The following LAMB4 variants were observed in gnomAD, a reference collection of about 807,000 sequenced individuals.
The protein encoded by LAMB4 is laminin subunit beta 4, also known as laminin subunit beta-4.
LAMB4 carries 196 observed loss-of-function variants against 199.2 expected under a neutral mutation model. The ratio of observed to expected loss-of-function variants is 0.98; its 90% CI spans 0.88 to 1.11. The LOEUF (loss-of-function observed/expected upper bound fraction) is 1.11, where lower values mean the gene tolerates loss of function less well. Ranked by LOEUF, LAMB4 falls within the 50% of genes least tolerant of loss-of-function variation. The pLI, the probability that LAMB4 is intolerant of heterozygous loss-of-function variation, is 0.00. For missense variants in LAMB4, 2,080 were observed against 2,171.2 expected (o/e 0.96, Z 0.83); for synonymous variants, 744 against 770.6 (o/e 0.97, Z 0.57).
chr7:108,077,616 C>G (rs965550781), intron 16 of LAMB4, among the ~76,000 whole-genome samples: 4 of 152,116 alleles, frequency 2.6e-5, no homozygotes, highest in African/African-American at 9.7e-5. Context: ...ATCACTTGAA[C>G]CCAGCAGGCA....
chr7:108,033,835 G>A (rs368475114), intron 31 of LAMB4, among the ~76,000 whole-genome samples: 1 of 146,148 alleles, frequency 6.8e-6, no homozygotes, highest in African/African-American at 2.6e-5. Context: ...CATTTCTTTG[G>A]TTTTTGTGAG....
chr7:108,041,244 T>C (rs1444460787), intron 29 of LAMB4, among the ~76,000 whole-genome samples: 1 of 152,028 alleles, frequency 6.6e-6, no homozygotes, highest in Non-Finnish European at 1.5e-5. Flanking sequence ...AGTCAAAAAA[T>C]AACAGGTGCT....
rs767959306 is a variant in LAMB4, at chr7:108,115,466, C to T, written c.192+538G>A. On this transcript the variant is annotated intron_variant, in intron 3 of 33. Transcript: ENST00000388781. The stretch of plus-strand genomic sequence containing the variant: ...GGAAGATCGCTTGAGGCAAGGAGTT[C>T]GAGATCAGCCTGGGCAACATAGTGA... 8.5e-5 allele frequency among the ~76,000 whole-genome samples: 13 copies of T among 152,214 alleles called. No homozygotes were observed. In the East Asian group the frequency reaches 9.7e-4, roughly 11 times the overall value.
intron 15 of LAMB4, 93 bp downstream of exon 15, chr7:108,079,508 G>A: frequency 1.9e-6 from 2 of 1,069,176 alleles, no homozygotes; most frequent in Non-Finnish European, 1.3e-6. Flanking sequence ...ATCCTTTTCT[G>A]ATGAACCTAT....
At chr7:108,086,491 T>G (rs1031464060) in intron 14 of LAMB4, among the ~76,000 whole-genome samples, 6 of 152,162 alleles carry the variant, frequency 3.9e-5, no homozygotes, top group African/African-American at 1.4e-4. Flanking sequence ...AAAATATGAC[T>G]ATTTTGTATT....
Position 108,024,015 on chromosome 7 carries a change from C to T in LAMB4, c.*24G>A, listed in dbSNP as rs1196956985. On this transcript the variant is annotated 3_prime_UTR_variant, in exon 34 of 34. Coordinates refer to ENST00000388781, the MANE Select transcript of LAMB4 (RefSeq NM_007356.3). ...ACATCAGAAACCAGAAACAAAGGCA[C>T]AAGCTTTTGCTCTTTAACTCTGCCT... 2 of 1,578,282 alleles carry T rather than the reference C, an allele frequency of 1.3e-6. No homozygotes were observed. The highest frequency in any genetic ancestry group is 4.5e-5 in the East Asian group (2 of 44,170).
intron 3 of LAMB4, among the ~76,000 whole-genome samples, chr7:108,115,364 A>T (rs1399312980): frequency 2.0e-5 from 3 of 152,176 alleles, no homozygotes; most frequent in African/African-American, 7.2e-5. Context: ...TTTGGGAAAA[A>T]ATAACAACAA....
At chr7:108,031,528 A>G (rs1584588302) in intron 31 of LAMB4, among the ~76,000 whole-genome samples, 1 of 152,008 alleles carries the variant, frequency 6.6e-6, no homozygotes, top group African/African-American at 2.4e-5. Flanking sequence ...GACAACCACT[A>G]TCTTGAATCT....
intron 23 of LAMB4, among the ~76,000 whole-genome samples, chr7:108,061,739 C>CAAAA: frequency 1.3e-5 from 1 of 74,340 alleles, no homozygotes; most frequent in Non-Finnish European, 3.4e-5. Flanking sequence ...ACTCTTGTCT[C>CAAAA]AAAAAAAAAA....
Position 108,055,716 on chromosome 7 carries a change from A to G in LAMB4, c.3671T>C (p.Val1224Ala), listed in dbSNP as rs1196280026. 6.2e-7 allele frequency: 1 copy of G among 1,614,130 alleles called. No individual in the cohort carries two copies. Among genetic ancestry groups the G allele is most frequent in the Non-Finnish European group, 8.5e-7 (1 of 1,179,936 alleles). Residue 1224 changes from valine (V) to alanine (A), a missense_variant, in exon 25 of 34, where the codon GTG (valine) becomes GCG (alanine). Coordinates refer to ENST00000388781, the MANE Select transcript of LAMB4 (RefSeq NM_007356.3). The stretch of plus-strand genomic sequence containing the variant: ...TTTCAAAATCCTTTCTATTTCAGAC[A>G]CGTTCCCTCTGAGGTCTTTGAAGTC... ...EADFKDLRGNVSEIERILKHP... is the reference protein window; with the variant it reads ...EADFKDLRGNASEIERILKHP...
intron 1 of LAMB4, among the ~76,000 whole-genome samples, chr7:108,125,085 T>G (rs2038730265): frequency 6.6e-6 from 1 of 152,206 alleles, no homozygotes; most frequent in African/African-American, 2.4e-5. Context: ...CCATAGTAGC[T>G]CCATCAGAAT....
rs1212165245 is a variant in LAMB4 at position 108,107,627 on chromosome 7, C to T, written c.591+4G>A. 5 of 1,574,418 alleles carry T rather than the reference C, an allele frequency of 3.2e-6. No homozygotes were observed. Among genetic ancestry groups the T allele is most frequent in the South Asian group, 1.2e-5 (1 of 84,012 alleles). On this transcript the variant is annotated splice_donor_region_variant and intron_variant, in intron 6 of 33. Transcript: ENST00000388781. The stretch of plus-strand genomic sequence containing the variant: ...CAAAATAAATACAAGGAAGGAAATG[C>T]TACCTCTCCACCTGTTGAGGGTTCA...
In LAMB4 at chr7:108,106,024, C is replaced by G; in HGVS notation, c.663G>C (p.Val221=). The G allele has an allele frequency of 6.2e-7, 1 of 1,613,538 alleles. No homozygotes were observed. The highest frequency in any genetic ancestry group is 8.5e-7 in the Non-Finnish European group (1 of 1,179,482). Residue 221 remains valine, a synonymous_variant, in exon 8 of 34, where the codon GTG becomes GTC. Transcript: ENST00000388781. The part of the protein sequence containing the change: ...NPYSPYIQDL[V]TLTNLRINFT... ...AGTTTATCCTCAGGTTTGTCAATGT[C>G]ACAAGGTCTAAAGAAAGGAAAATAA...
At chr7:108,066,329 G>A (rs374301476) in intron 20 of LAMB4, 40 bp downstream of exon 20, 7 of 1,456,324 alleles carry the variant, frequency 4.8e-6, no homozygotes, top group East Asian at 4.5e-5. Context: ...GGAACAAAGT[G>A]TTAAAGACCT....
intron 31 of LAMB4, among the ~76,000 whole-genome samples, chr7:108,032,536 A>C (rs2035075428): frequency 6.6e-6 from 1 of 152,128 alleles, no homozygotes; most frequent in Non-Finnish European, 1.5e-5. Context: ...CTACCAACCC[A>C]GGGCTACTTC....
intron 17 of LAMB4, among the ~76,000 whole-genome samples, chr7:108,073,647 C>T (rs568716669): frequency 1.3e-5 from 2 of 152,306 alleles, no homozygotes; most frequent in African/African-American, 4.8e-5. Flanking sequence ...AAAGAATAAA[C>T]TTTGAAAGGG....
chr7:108,049,195 CATATATTT>C (rs1318406773), intron 27 of LAMB4, 123 bp downstream of exon 27: 8 of 248,716 alleles, frequency 3.2e-5, no homozygotes, highest in Middle Eastern at 2.8e-3. Flanking sequence ...TATATACCTA[CATATATTT>C]ATATATTTCT....
In LAMB4 at chr7:108,032,067, T is replaced by G. The variant is rs2035057480; in HGVS notation, c.4819-1088A>C. 2.0e-5 allele frequency among the ~76,000 whole-genome samples: 3 copies of G among 152,212 alleles called. No homozygotes were observed. In the South Asian group the frequency reaches 6.2e-4, roughly 32 times the overall value. On this transcript the variant is annotated intron_variant, in intron 31 of 33. Transcript: ENST00000388781. ...TCTGTCTGTTGTGTCCTGATTTTGT[T>G]GTTCATTATTTCTGATGACTCTTGT... is the stretch of plus-strand genomic sequence containing the variant.
At chr7:108,084,318 G>A (rs1023990243) in intron 14 of LAMB4, among the ~76,000 whole-genome samples, 1 of 152,168 alleles carries the variant, frequency 6.6e-6, no homozygotes, top group Admixed American at 6.5e-5. Context: ...CCTGCATGGA[G>A]TGAACTTAAT....
Sources: gnomAD v4.1 joint callset for allele counts (sites outside exome capture counted in the v4.1 genomes callset) on GRCh38, gnomAD v4.1.1 for gene constraint, MANE v1.5 for transcripts, NCBI Gene and HGNC (gene_info 2026-07-23, HGNC 2026-07-21) for gene names.